CACNA2D3: variants seen among roughly 807,000 people sequenced by gnomAD.
The protein encoded by CACNA2D3 is calcium voltage-gated channel auxiliary subunit alpha2delta 3, also known as voltage-dependent calcium channel subunit alpha-2/delta-3.
CACNA2D3 carries 60 observed loss-of-function variants against 160.6 expected under a neutral mutation model. The observed-to-expected ratio is 0.37, with a 90% confidence interval of 0.30 to 0.46. The LOEUF is 0.46. Ranked by LOEUF, CACNA2D3 falls within the 20% of genes least tolerant of loss-of-function variation. The pLI is 1.00. For missense variants in CACNA2D3, 1,205 were observed against 1,365.0 expected (o/e 0.88, Z 1.85); for synonymous variants, 558 against 492.9 (o/e 1.13, Z -1.75).
At chr3:54,306,775 C>T (rs1367745206) in intron 2 of CACNA2D3, among the ~76,000 whole-genome samples, 2 of 152,130 alleles carry the variant, frequency 1.3e-5, no homozygotes, top group African/African-American at 2.4e-5. Context: ...CTGCCCAGCA[C>T]ATCAGTGGTT....
intron 4 of CACNA2D3, among the ~76,000 whole-genome samples, chr3:54,438,091 G>A (rs71301885): frequency 0.047 from 7,189 of 152,208 alleles, 239 homozygotes; most frequent in East Asian, 0.18. Flanking sequence ...ATGAAGGCTT[G>A]TTAACTCCAT....
At chr3:54,493,547 T>A (rs17054058) in intron 4 of CACNA2D3, among the ~76,000 whole-genome samples, 5,747 of 152,226 alleles carry the variant, frequency 0.038, 262 homozygotes, top group African/African-American at 0.11. Flanking sequence ...CAATCTGAGA[T>A]ATGTCCTATT....
chr3:54,822,730 TTTTCTTTCTTTC>T lies in CACNA2D3; in HGVS notation c.1398+5909_1398+5920del, dbSNP rs61652736. Among the ~76,000 whole-genome samples, 52 of 104,778 alleles carry T rather than the reference TTTTCTTTCTTTC, an allele frequency of 5.0e-4. 2 individuals carry two copies. The highest frequency in any genetic ancestry group is 1.4e-3 in the South Asian group (4 of 2,928). 68.7% of individuals were successfully genotyped at this position (104,778 alleles called of 152,430 possible). On this transcript the variant is annotated intron_variant, in intron 14 of 37. Coordinates refer to ENST00000474759, the MANE Select transcript of CACNA2D3 (RefSeq NM_018398.3). Reference sequence around the variant, plus strand: ...AGATGCTATTTGCATTTCTTTTTTATTTTCTTTCTTTCTTTCTTTCTTTCTTTCTTTCTTTCT... The same window carrying T: ...AGATGCTATTTGCATTTCTTTTTTATTTTCTTTCTTTCTTTCTTTCTTTCT...
intron 27 of CACNA2D3, among the ~76,000 whole-genome samples, chr3:54,917,455 T>G (rs143672097): frequency 2.5e-4 from 38 of 152,326 alleles, no homozygotes; most frequent in African/African-American, 7.9e-4. Context: ...GAGTAGACAA[T>G]CTGGGTGGTG....
Position 54,245,517 on chromosome 3 carries a change from G to A in CACNA2D3, c.205-74925G>A, listed in dbSNP as rs568668971. ...CCTGCTCTCCCACCATCCATCCAGA[G>A]CCTGGTGTTCTGGACTGCCTTCCAC... On this transcript the variant is annotated intron_variant, in intron 2 of 37. Coordinates refer to ENST00000474759, the MANE Select transcript of CACNA2D3 (RefSeq NM_018398.3). 5.3e-5 allele frequency among the ~76,000 whole-genome samples: 8 copies of A among 152,286 alleles called. No homozygotes were observed. In the East Asian group the frequency reaches 1.5e-3, roughly 29 times the overall value.
At chr3:54,200,361 C>G (rs913528430) in intron 2 of CACNA2D3, among the ~76,000 whole-genome samples, 6 of 152,178 alleles carry the variant, frequency 3.9e-5, no homozygotes, top group African/African-American at 1.4e-4. Flanking sequence ...TGTTCCAGAG[C>G]AGAAATAATT....
At chr3:54,554,812 G>A (rs2106692026) in intron 5 of CACNA2D3, among the ~76,000 whole-genome samples, 1 of 151,484 alleles carries the variant, frequency 6.6e-6, no homozygotes, top group East Asian at 1.9e-4. Context: ...AGAACATGGT[G>A]AAAGTTGGAA....
intron 27 of CACNA2D3, chr3:54,924,753 T>C (rs1248778634): frequency 6.2e-7 from 1 of 1,614,030 alleles, no homozygotes; most frequent in Non-Finnish European, 8.5e-7. Flanking sequence ...CTGCTGAAGC[T>C]GGTTTTGTTG....
chr3:55,005,465 G>C (rs1301060842), intron 32 of CACNA2D3, among the ~76,000 whole-genome samples: 1 of 152,110 alleles, frequency 6.6e-6, no homozygotes, highest in Non-Finnish European at 1.5e-5. Context: ...AAAGAACTTG[G>C]TTTTGTTCAA....
At chr3:55,043,967 T>C (rs1704017814) in intron 35 of CACNA2D3, among the ~76,000 whole-genome samples, 1 of 152,214 alleles carries the variant, frequency 6.6e-6, no homozygotes, top group South Asian at 2.1e-4. Context: ...AATTTATCTA[T>C]GTGTCTGTCT....
At chr3:54,770,475 G>T (rs531552856) in intron 13 of CACNA2D3, among the ~76,000 whole-genome samples, 41 of 152,308 alleles carry the variant, frequency 2.7e-4, no homozygotes, top group African/African-American at 9.1e-4. Context: ...AAATCAGTCA[G>T]ATTTGCTTCA....
At chr3:54,262,268 G>A (rs1228317669) in intron 2 of CACNA2D3, among the ~76,000 whole-genome samples, 1 of 152,124 alleles carries the variant, frequency 6.6e-6, no homozygotes, top group African/African-American at 2.4e-5. Flanking sequence ...GGCAAGGAAA[G>A]CTATTTATTG....
chr3:55,003,510 A>G (rs1703027065), intron 31 of CACNA2D3, among the ~76,000 whole-genome samples: 1 of 152,218 alleles, frequency 6.6e-6, no homozygotes, highest in Non-Finnish European at 1.5e-5. Flanking sequence ...AATATGGACA[A>G]CACAGGGGAA....
chr3:54,290,010 T>C (rs1419803998), intron 2 of CACNA2D3, among the ~76,000 whole-genome samples: 4 of 151,344 alleles, frequency 2.6e-5, no homozygotes, highest in South Asian at 4.2e-4. Context: ...AAGGACTTCA[T>C]GTCTAAAACA....
At chr3:54,867,707 C>T (rs1699435301) in intron 17 of CACNA2D3, among the ~76,000 whole-genome samples, 2 of 152,186 alleles carry the variant, frequency 1.3e-5, no homozygotes, top group South Asian at 2.1e-4. Flanking sequence ...CAGGAAGACT[C>T]TCTCCAAGTA....
chr3:54,243,432 T>C (rs940147255), intron 2 of CACNA2D3, among the ~76,000 whole-genome samples: 1 of 152,198 alleles, frequency 6.6e-6, no homozygotes, highest in South Asian at 2.1e-4. Context: ...TTCATGACTT[T>C]CCTGATCTCA....
intron 9 of CACNA2D3, among the ~76,000 whole-genome samples, chr3:54,603,457 T>G (rs532902163): frequency 1.3e-5 from 2 of 152,214 alleles, no homozygotes; most frequent in Non-Finnish European, 2.9e-5. Flanking sequence ...AGAAGACAAG[T>G]CCTGACTCAA....
chr3:54,458,297 T>C (rs982797329), intron 4 of CACNA2D3, among the ~76,000 whole-genome samples: 1 of 152,156 alleles, frequency 6.6e-6, no homozygotes, highest in East Asian at 1.9e-4. Flanking sequence ...ATGATAGTTA[T>C]TGACATTTCA....
chr3:54,723,322 G>T (rs1041508740), intron 11 of CACNA2D3, among the ~76,000 whole-genome samples: 1 of 20,210 alleles, frequency 4.9e-5, no homozygotes, highest in Non-Finnish European at 1.4e-4. Context: ...ATCTTAGTTT[G>T]TTGGCTCCAT....
Sources: gnomAD v4.1 joint callset for allele counts (sites outside exome capture counted in the v4.1 genomes callset) on GRCh38, gnomAD v4.1.1 for gene constraint, MANE v1.5 for transcripts, NCBI Gene and HGNC (gene_info 2026-07-23, HGNC 2026-07-21) for gene names.